The following MMP28 variants were observed in gnomAD, a reference collection of about 807,000 sequenced individuals.
The protein encoded by MMP28 is matrix metalloproteinase-28.
A neutral mutation model predicts 60.5 loss-of-function variants in MMP28; 55 were observed. That is an observed-to-expected ratio of 0.91 (90% CI 0.73 to 1.14). The LOEUF (loss-of-function observed/expected upper bound fraction) is 1.14. Among genes scored for constraint, MMP28 ranks in the 50% most tolerant of loss-of-function variants. The pLI, the probability that MMP28 is intolerant of heterozygous loss-of-function variation, is 0.00. For missense variants in MMP28, 686 were observed against 738.3 expected, an observed-to-expected ratio of 0.93 and a Z score of 0.82; for synonymous variants, 318 against 312.5, an observed-to-expected ratio of 1.02 and a Z score of -0.18.
chr17:35,792,924 T>G (rs2086855474), intron 1 of MMP28, among the ~76,000 whole-genome samples: 1 of 152,164 alleles, frequency 6.6e-6, no homozygotes, highest in African/African-American at 2.4e-5. Context: ...AGAAGAAAAC[T>G]GAGGTTTATA....
chr17:35,764,050 G>C, downstream of MMP28: 1 of 1,549,672 alleles, frequency 6.5e-7, no homozygotes, highest in Non-Finnish European at 8.7e-7. Flanking sequence ...AAGAGCTCCG[G>C]GCCGAGGACG....
At position 35,766,582 on chromosome 17, in the gene MMP28, T is replaced by G. The variant is rs1555603256; in HGVS notation, c.1481A>C (p.Gln494Pro). ...GGCCCAGCGGCCCGAGGTGGTTGCCTGCAGTTTGGCCTGGTCGAGGCGCCA... is the reference window on the plus strand; with the variant it reads ...GGCCCAGCGGCCCGAGGTGGTTGCCGGCAGTTTGGCCTGGTCGAGGCGCCA... ...RYWRLDQAKL[Q>P]ATTSGRWATE... The change falls in exon 8 of 8, where the codon CAG becomes CCG. Residue 494 changes from glutamine (Q) to proline (P), a missense_variant. Gln to Pro is a moderately conservative substitution (Grantham distance 76, BLOSUM62 -1). Transcript: ENST00000605424. The surrounding 1 kb of genome is among the most constrained non-coding windows in gnomAD (Gnocchi z 4.3). 1.9e-6 allele frequency: 3 copies of G among 1,612,264 alleles called. No individual in the cohort carries two copies. The South Asian group carries it at 3.3e-5, about 18-fold the overall frequency.
chr17:35,792,761 T>C (rs2086849519), intron 1 of MMP28, among the ~76,000 whole-genome samples: 2 of 152,204 alleles, frequency 1.3e-5, no homozygotes, highest in Admixed American at 1.3e-4. Context: ...TTCTCTAAAG[T>C]AATGATAAAG....
Position 35,765,870 on chromosome 17 carries a change from G to A in MMP28, c.*630C>T. ...ACTGCTCCAAGGAAGGCTGCTTCCT[G>A]CCTCTCGGCCCACCAGCTGAAGGCA... On this transcript the variant is annotated 3_prime_UTR_variant, in exon 8 of 8. Transcript: ENST00000605424. 5.1e-6 allele frequency: 5 copies of A among 985,446 alleles called. No individual in the cohort carries two copies. Among genetic ancestry groups the A allele is most frequent in the Non-Finnish European group, 6.0e-6 (5 of 829,926 alleles). The allele number at this position is 985,446 out of a possible 1,614,324, so 61.0% of individuals were successfully genotyped here.
At chr17:35,780,742 T>A (rs1048395436) in intron 1 of MMP28, among the ~76,000 whole-genome samples, 1 of 150,578 alleles carries the variant, frequency 6.6e-6, no homozygotes. Context: ...GGCTGAGGCA[T>A]GAGAATCACT....
intron 1 of MMP28, among the ~76,000 whole-genome samples, chr17:35,780,154 C>T (rs1198345292): frequency 2.6e-5 from 4 of 152,028 alleles, no homozygotes; most frequent in Non-Finnish European, 4.4e-5. Flanking sequence ...CTGCAACCTC[C>T]GCCTCCTGGG....
chr17:35,777,943 G>A (rs1598447153), intron 3 of MMP28, among the ~76,000 whole-genome samples: 1 of 152,192 alleles, frequency 6.6e-6, no homozygotes, highest in Non-Finnish European at 1.5e-5. Flanking sequence ...CAGGAGAATC[G>A]CTTGAACCCA....
At chr17:35,776,972 G>A (rs899139468) in intron 3 of MMP28, among the ~76,000 whole-genome samples, 5 of 152,210 alleles carry the variant, frequency 3.3e-5, no homozygotes, top group Admixed American at 3.3e-4. Flanking sequence ...TTTGGGGCAT[G>A]AGAAGGTGAG....
chr17:35,784,291 A>G (rs1273831232), intron 1 of MMP28, among the ~76,000 whole-genome samples: 3 of 152,052 alleles, frequency 2.0e-5, no homozygotes, highest in Non-Finnish European at 2.9e-5. Context: ...TCCAAAAAAA[A>G]AAAAAGCACT....
chr17:35,778,444 T>G, intron 3 of MMP28: 1 of 210,608 alleles, frequency 4.7e-6, no homozygotes, highest in African/African-American at 2.3e-5. Context: ...ATGGGTAAAT[T>G]GTATGGGATG....
Position 35,795,585 on chromosome 17 carries a change from C to T in MMP28, c.-208G>A. ...TCGCCGGGAGCCGGCCAGACGTCGT[C>T]CAGCCCGGGCAGTGCCTGCCCGCGG... On this transcript the variant is annotated 5_prime_UTR_variant, in exon 1 of 8. Transcript: ENST00000605424. 1 of 385,252 alleles carries T rather than the reference C, an allele frequency of 2.6e-6. No homozygotes were observed. Among genetic ancestry groups the T allele is most frequent in the Non-Finnish European group, 4.6e-6 (1 of 218,270 alleles). The allele number at this position is 385,252 out of a possible 1,614,324, so 23.9% of individuals were successfully genotyped here. A position where few individuals can be genotyped will look rare whatever the true frequency, so the allele number is the denominator to read the frequency against.
At chr17:35,785,275 C>A (rs1369711434) in intron 1 of MMP28, among the ~76,000 whole-genome samples, 2 of 152,216 alleles carry the variant, frequency 1.3e-5, no homozygotes, top group South Asian at 2.1e-4. Context: ...TGAGGTGCAG[C>A]AAAATGAACC....
chr17:35,764,684 T>A, downstream of MMP28: 6 of 1,472,262 alleles, frequency 4.1e-6, no homozygotes, highest in Non-Finnish European at 5.4e-6. Flanking sequence ...ACCGACCTTC[T>A]CTCTTGGAGC....
At chr17:35,759,573 C>T (rs1310550341) in intron 2 of MMP28, among the ~76,000 whole-genome samples, 3 of 152,046 alleles carry the variant, frequency 2.0e-5, no homozygotes, top group South Asian at 2.1e-4. Context: ...TGGTGACACG[C>T]GCCTGTAGTC....
Position 35,766,459 on chromosome 17 carries a change from GC to G in MMP28, c.*40del. 1 of 1,524,682 alleles carries G rather than the reference GC, an allele frequency of 6.6e-7. No individual in the cohort carries two copies. Among genetic ancestry groups the G allele is most frequent in the Non-Finnish European group, 8.8e-7 (1 of 1,135,914 alleles). The allele number at this position is 1,524,682 out of a possible 1,614,324, so 94.4% of individuals were successfully genotyped here. Reference sequence around the variant, plus strand: ...CCCCGGGGGTGGGGAACATGATTTTGCCCTGAGAGCACCACCAGTTTCTGAG... The same window carrying G: ...CCCCGGGGGTGGGGAACATGATTTTGCCTGAGAGCACCACCAGTTTCTGAG... On this transcript the variant is annotated 3_prime_UTR_variant, in exon 8 of 8. Coordinates refer to ENST00000605424, the MANE Select transcript of MMP28 (RefSeq NM_024302.5). The surrounding 1 kb of genome is among the most constrained non-coding windows in gnomAD (Gnocchi z 4.3).
intron 4 of MMP28, among the ~76,000 whole-genome samples, chr17:35,771,116 A>G (rs1320556254): frequency 6.6e-6 from 1 of 151,970 alleles, no homozygotes. Flanking sequence ...AACAGTGCCT[A>G]GCACGTAATA....
chr17:35,780,316 C>A (rs936873725), intron 1 of MMP28, among the ~76,000 whole-genome samples: 2 of 152,062 alleles, frequency 1.3e-5, no homozygotes, highest in Admixed American at 6.5e-5. Flanking sequence ...GGTCCACCCA[C>A]CTCAGCCTCC....
intron 1 of MMP28, among the ~76,000 whole-genome samples, chr17:35,785,701 C>T (rs149450835): frequency 0.021 from 3,263 of 152,254 alleles, 68 homozygotes; most frequent in East Asian, 0.11. Context: ...CCCACCTCGG[C>T]CTCCCAAAGT....
At chr17:35,759,607 A>G (rs1268632278) in intron 2 of MMP28, among the ~76,000 whole-genome samples, 2 of 152,164 alleles carry the variant, frequency 1.3e-5, no homozygotes, top group Admixed American at 1.3e-4. Context: ...AGGCTGAGGC[A>G]GGAGAATTGC....
Sources: gnomAD v4.1 joint callset for allele counts (sites outside exome capture counted in the v4.1 genomes callset) on GRCh38, gnomAD v4.1.1 for gene constraint, Gnocchi (gnomAD v3.1) non-coding constraint, MANE v1.5 for transcripts, NCBI Gene and HGNC (gene_info 2026-07-23, HGNC 2026-07-21) for gene names.